CSMD1: variants seen among roughly 807,000 people sequenced by gnomAD.
CSMD1 encodes the protein CUB and sushi domain-containing protein 1.
CSMD1 carries 213 observed loss-of-function variants against 417.5 expected under a neutral mutation model. The observed-to-expected ratio is 0.51, with a 90% CI of 0.46 to 0.57. The LOEUF (loss-of-function observed/expected upper bound fraction) is 0.57. CSMD1 is among the 20% of genes least tolerant of loss of function. The probability of loss-of-function intolerance (pLI) is 0.00; values close to 1 mark genes in which losing one functional copy is unlikely to be tolerated. For synonymous variants in CSMD1, 2,862 were observed against 1,736.8 expected (o/e 1.65, Z -16.11); for missense variants, 6,923 against 4,529.7 (o/e 1.53, Z -15.17).
intron 3 of CSMD1, among the ~76,000 whole-genome samples, chr8:4,410,494 T>C (rs980370177): frequency 4.6e-5 from 7 of 152,210 alleles, no homozygotes; most frequent in Non-Finnish European, 7.3e-5. Context: ...TCATCTGATT[T>C]CTAGTTACTG....
At chr8:3,342,911 G>C (rs1396296031) in intron 23 of CSMD1, among the ~76,000 whole-genome samples, 1 of 151,996 alleles carries the variant, frequency 6.6e-6, no homozygotes, top group African/African-American at 2.4e-5. Context: ...GTGTGTGTGT[G>C]TGTGTCATTC....
At chr8:4,409,168 A>C (rs1013752163) in intron 3 of CSMD1, among the ~76,000 whole-genome samples, 1 of 152,220 alleles carries the variant, frequency 6.6e-6, no homozygotes. Context: ...AATGACCTTC[A>C]AATGGGAGAT....
intron 1 of CSMD1, among the ~76,000 whole-genome samples, chr8:4,850,380 A>ATATTTT (rs1403352847): frequency 2.7e-4 from 22 of 82,774 alleles, no homozygotes; most frequent in Non-Finnish European, 3.5e-4. Context: ...AATCCAATTT[A>ATATTTT]TCTTTTTTTT....
rs541148198 is a variant in CSMD1, at chr8:4,768,242, G to A, written c.86-130684C>T. On this transcript the variant is annotated intron_variant, in intron 1 of 69. Transcript: ENST00000635120. ...GCTTCCCATGAGTGCTGCTCTGTGG[G>A]CTCCTCCTTCATGTCAGCCCCTAAC... is the stretch of plus-strand genomic sequence containing the variant. Among the ~76,000 whole-genome samples the A allele has an allele frequency of 2.0e-4, 31 of 152,034 alleles. No individual in the cohort carries two copies. The East Asian group carries it at 5.0e-3, about 25-fold the overall frequency.
chr8:3,365,427 A>G (rs1274908836), intron 20 of CSMD1, among the ~76,000 whole-genome samples: 1 of 152,236 alleles, frequency 6.6e-6, no homozygotes, highest in African/African-American at 2.4e-5. Flanking sequence ...GTTAATCAAC[A>G]TGCACTAGTT....
At chr8:4,053,943 G>A (rs1368650497) in intron 3 of CSMD1, among the ~76,000 whole-genome samples, 1 of 152,090 alleles carries the variant, frequency 6.6e-6, no homozygotes, top group Non-Finnish European at 1.5e-5. Context: ...ACACATATCT[G>A]TGCATTCTTT....
intron 7 of CSMD1, among the ~76,000 whole-genome samples, chr8:3,670,074 T>G (rs1316638169): frequency 6.6e-6 from 1 of 152,064 alleles, no homozygotes; most frequent in African/African-American, 2.4e-5. Flanking sequence ...TAATACTGAG[T>G]GTCAACTTGA....
intron 10 of CSMD1, among the ~76,000 whole-genome samples, chr8:3,549,356 G>T (rs1046869512): frequency 1.3e-5 from 2 of 152,186 alleles, no homozygotes; most frequent in Non-Finnish European, 2.9e-5. Context: ...TAGGCCAAGT[G>T]GTCTCAGATA....
intron 1 of CSMD1, among the ~76,000 whole-genome samples, chr8:4,737,454 T>G (rs550577846): frequency 6.6e-6 from 1 of 152,220 alleles, no homozygotes; most frequent in African/African-American, 2.4e-5. Context: ...AAAATTTACC[T>G]GTTTAACAAA....
intron 2 of CSMD1, among the ~76,000 whole-genome samples, chr8:4,422,414 A>T (rs1034995773): frequency 3.3e-5 from 5 of 152,140 alleles, no homozygotes; most frequent in Admixed American, 3.3e-4. Context: ...ATTATAGTTA[A>T]ATGATGTCAA....
At chr8:4,684,589 G>C (rs1446263438) in intron 1 of CSMD1, among the ~76,000 whole-genome samples, 1 of 152,128 alleles carries the variant, frequency 6.6e-6, no homozygotes, top group East Asian at 1.9e-4. Flanking sequence ...CTTTGGCCCT[G>C]TTAGCCTGTC....
intron 1 of CSMD1, among the ~76,000 whole-genome samples, chr8:4,692,266 T>G (rs1468135454): frequency 1.3e-5 from 2 of 152,122 alleles, no homozygotes; most frequent in Non-Finnish European, 2.9e-5. Flanking sequence ...AGTCTTAAGA[T>G]GTACGTTTTC....
intron 12 of CSMD1, among the ~76,000 whole-genome samples, chr8:3,421,171 T>A (rs1813465173): frequency 6.6e-6 from 1 of 152,210 alleles, no homozygotes; most frequent in African/African-American, 2.4e-5. Context: ...TTTCTTTTCT[T>A]AAACTCATAC....
rs116635271 is a variant in CSMD1, at chr8:3,828,830, T to C, written c.819-74788A>G. Among the ~76,000 whole-genome samples the C allele has an allele frequency of 5.0e-3, 765 of 152,134 alleles. 6 individuals carry two copies. Among genetic ancestry groups the C allele is most frequent in the African/African-American group, 0.016 (648 of 41,518 alleles). ...TTACAGCCTCATGCCTCACTCTTGATTGCAAAACTCCACGAGATTTTGTCT... is the reference window on the plus strand; with the variant it reads ...TTACAGCCTCATGCCTCACTCTTGACTGCAAAACTCCACGAGATTTTGTCT... On this transcript the variant is annotated intron_variant, in intron 5 of 69. Transcript: ENST00000635120.
At chr8:4,876,064 C>A (rs1803021142) in intron 1 of CSMD1, among the ~76,000 whole-genome samples, 1 of 152,042 alleles carries the variant, frequency 6.6e-6, no homozygotes, top group African/African-American at 2.4e-5. Context: ...CTTCAGAAAA[C>A]TAGCAGATAG....
intron 2 of CSMD1, among the ~76,000 whole-genome samples, chr8:4,510,474 A>G (rs897096174): frequency 3.4e-4 from 51 of 148,270 alleles, no homozygotes; most frequent in African/African-American, 1.2e-3. Context: ...ACAAGGGAAG[A>G]GACTTCCTCT....
chr8:3,406,262 G>A lies in CSMD1; in HGVS notation c.2072-41C>T, dbSNP rs565023662. 16 of 1,482,772 alleles carry A rather than the reference G, an allele frequency of 1.1e-5. No homozygotes were observed. The East Asian group carries it at 2.2e-4, about 20-fold the overall frequency. The allele number at this position is 1,482,772 out of a possible 1,614,324, so 91.9% of individuals were successfully genotyped here. A position where few individuals can be genotyped will look rare whatever the true frequency, so the allele number is the denominator to read the frequency against. ...GAAGAAAAAAGGAATAAAAATACTTGAGTATTAATTACATGTATTAAAAAA... is the reference window on the plus strand; with the variant it reads ...GAAGAAAAAAGGAATAAAAATACTTAAGTATTAATTACATGTATTAAAAAA... On this transcript the variant is annotated intron_variant, in intron 14 of 69. Transcript: ENST00000635120.
chr8:4,264,726 A>G (rs1804129006), intron 3 of CSMD1, among the ~76,000 whole-genome samples: 1 of 152,158 alleles, frequency 6.6e-6, no homozygotes, highest in Non-Finnish European at 1.5e-5. Flanking sequence ...TTAACTGCCC[A>G]GGGGTAGGGA....
chr8:3,427,220 A>G (rs1445791007), intron 12 of CSMD1, among the ~76,000 whole-genome samples: 5 of 152,226 alleles, frequency 3.3e-5, no homozygotes, highest in Admixed American at 3.3e-4. Flanking sequence ...AAGCATAACA[A>G]GAACTGGTCA....
Sources: allele counts gnomAD v4.1 joint callset (sites outside exome capture counted in the v4.1 genomes callset), GRCh38; gene constraint gnomAD v4.1.1; transcripts MANE v1.5; gene names NCBI Gene and HGNC (gene_info 2026-07-23, HGNC 2026-07-21).